Variants in LRBA observed in about 807,000 individuals in gnomAD.
LRBA encodes the protein LPS responsive beige-like anchor protein.
In LRBA, 176 loss-of-function variants were observed where a neutral mutation model predicts 330.0. That is an observed-to-expected ratio of 0.53 (90% CI 0.47 to 0.60). The LOEUF is 0.60. Among genes scored for constraint, LRBA ranks in the 20% least tolerant of loss-of-function variants. The pLI is 0.00. For synonymous variants in LRBA, 1,230 were observed against 1,193.0 expected (o/e 1.03, Z -0.64); for missense variants, 3,259 against 3,444.8 (o/e 0.95, Z 1.35).
intron 37 of LRBA, among the ~76,000 whole-genome samples, chr4:150,607,992 G>A (rs1426510145): frequency 2.0e-5 from 3 of 152,112 alleles, no homozygotes; most frequent in South Asian, 2.1e-4. Context: ...CCAAGATCGC[G>A]CCACTGCACT....
chr4:150,856,403 C>T (rs1751238302), intron 22 of LRBA, among the ~76,000 whole-genome samples: 1 of 152,056 alleles, frequency 6.6e-6, no homozygotes, highest in East Asian at 1.9e-4. Context: ...TTCATTTCTT[C>T]CTCTTTGTAT....
At chr4:150,837,812 G>C (rs1748384513) in intron 28 of LRBA, among the ~76,000 whole-genome samples, 1 of 152,184 alleles carries the variant, frequency 6.6e-6, no homozygotes, top group Non-Finnish European at 1.5e-5. Context: ...ATATTGTTAT[G>C]TGTGAATTTG....
At chr4:150,941,948 G>A (rs1735719502) in intron 2 of LRBA, among the ~76,000 whole-genome samples, 1 of 152,074 alleles carries the variant, frequency 6.6e-6, no homozygotes, top group Non-Finnish European at 1.5e-5. Context: ...GGTAAAGACA[G>A]TAAAGTGTTT....
At chr4:150,699,146 C>G (rs1784896476) in intron 36 of LRBA, among the ~76,000 whole-genome samples, 1 of 152,078 alleles carries the variant, frequency 6.6e-6, no homozygotes, top group African/African-American at 2.4e-5. Context: ...AGCAGGTGAT[C>G]CTGAACTCGA....
chr4:150,933,871 A>G (rs1579248616), intron 2 of LRBA, among the ~76,000 whole-genome samples: 1 of 151,990 alleles, frequency 6.6e-6, no homozygotes, highest in African/African-American at 2.4e-5. Flanking sequence ...AAATAAAACA[A>G]AAAATTAGCT....
intron 46 of LRBA, among the ~76,000 whole-genome samples, chr4:150,433,963 A>T (rs2151989559): frequency 6.6e-6 from 1 of 152,276 alleles, no homozygotes; most frequent in African/African-American, 2.4e-5. Context: ...CACATAAGCA[A>T]TGTACTCTAC....
At chr4:150,472,277 T>G (rs1246220555) in intron 42 of LRBA, among the ~76,000 whole-genome samples, 3 of 152,022 alleles carry the variant, frequency 2.0e-5, no homozygotes, top group Non-Finnish European at 4.4e-5. Flanking sequence ...TCCTGTAGCC[T>G]CCTAATGAAA....
At chr4:150,959,808 TA>T (rs1737937641) in intron 2 of LRBA, among the ~76,000 whole-genome samples, 2 of 145,398 alleles carry the variant, frequency 1.4e-5, no homozygotes, top group African/African-American at 2.6e-5. Flanking sequence ...AAAGAACATA[TA>T]AAAAGTATAT....
chr4:150,913,683 G>A (rs148206728), intron 9 of LRBA, among the ~76,000 whole-genome samples: 1 of 152,224 alleles, frequency 6.6e-6, no homozygotes, highest in East Asian at 1.9e-4. Flanking sequence ...TTCTATCAAA[G>A]TTTGCTTCAT....
intron 37 of LRBA, among the ~76,000 whole-genome samples, chr4:150,668,364 C>T (rs1408112014): frequency 2.0e-5 from 3 of 151,684 alleles, no homozygotes; most frequent in Non-Finnish European, 4.4e-5. Flanking sequence ...AGAGATCTCA[C>T]AGTCAGTCTG....
At chr4:150,508,405 C>T (rs570777442) in intron 40 of LRBA, among the ~76,000 whole-genome samples, 3 of 152,070 alleles carry the variant, frequency 2.0e-5, no homozygotes, top group African/African-American at 7.2e-5. Flanking sequence ...GCCTCAGCCT[C>T]CTGAGTAGCT....
At chr4:150,674,443 C>T (rs1364562172) in intron 37 of LRBA, among the ~76,000 whole-genome samples, 1 of 151,012 alleles carries the variant, frequency 6.6e-6, no homozygotes, top group Admixed American at 6.6e-5. Flanking sequence ...TGCTTCTGAA[C>T]CTTCATTTAT....
intron 51 of LRBA, chr4:150,315,345 A>C (rs1731581267): frequency 1.7e-6 from 1 of 591,780 alleles, no homozygotes; most frequent in African/African-American, 1.9e-5. Context: ...TTTCAGTGAC[A>C]CGCGTCCTAG....
intron 2 of LRBA, among the ~76,000 whole-genome samples, chr4:150,998,964 C>T (rs532898213): frequency 6.6e-6 from 1 of 152,326 alleles, no homozygotes; most frequent in South Asian, 2.1e-4. Context: ...CAATGGCTAT[C>T]ACACATTCAT....
chr4:151,004,385 G>A (rs374402281), intron 2 of LRBA, among the ~76,000 whole-genome samples: 4 of 152,138 alleles, frequency 2.6e-5, no homozygotes, highest in Admixed American at 1.3e-4. Context: ...TAACGGAGAC[G>A]GCAACTGACT....
intron 40 of LRBA, among the ~76,000 whole-genome samples, chr4:150,515,597 CCAGT>C (rs1345618355): frequency 3.3e-5 from 5 of 151,754 alleles, no homozygotes; most frequent in Admixed American, 2.0e-4. Context: ...ATAATTATCA[CCAGT>C]CAAATTGCAA....
At chr4:150,956,202 A>C (rs1314184685) in intron 2 of LRBA, among the ~76,000 whole-genome samples, 2 of 148,910 alleles carry the variant, frequency 1.3e-5, no homozygotes, top group African/African-American at 2.6e-5. Flanking sequence ...CATTACTACC[A>C]ACCTTACATA....
chr4:150,881,174 T>A (rs1220356931), intron 17 of LRBA, among the ~76,000 whole-genome samples: 1 of 152,104 alleles, frequency 6.6e-6, no homozygotes, highest in African/African-American at 2.4e-5. Context: ...CGGGTACATA[T>A]CCAAAATAAA....
intron 53 of LRBA, among the ~76,000 whole-genome samples, chr4:150,290,217 C>T (rs1292782209): frequency 1.3e-5 from 2 of 152,150 alleles, no homozygotes; most frequent in Non-Finnish European, 2.9e-5. Context: ...GAGAAATAAT[C>T]AGCTCAAACA....
Sources: allele counts gnomAD v4.1 joint callset (sites outside exome capture counted in the v4.1 genomes callset), GRCh38; gene constraint gnomAD v4.1.1; transcripts MANE v1.5; gene names NCBI Gene and HGNC (gene_info 2026-07-23, HGNC 2026-07-21).